NKAIN3: variants seen among roughly 807,000 people sequenced by gnomAD.
The protein encoded by NKAIN3 is sodium/potassium-transporting ATPase subunit beta-1-interacting protein 3.
A neutral mutation model predicts 30.2 loss-of-function variants in NKAIN3; 25 were observed. The observed-to-expected ratio is 0.83, with a 90% CI of 0.60 to 1.16. NKAIN3 has a LOEUF of 1.16. Among genes scored for constraint, NKAIN3 ranks in the 50% most tolerant of loss-of-function variants. NKAIN3 has a pLI of 0.00. For synonymous variants in NKAIN3, 91 were observed against 89.6 expected (o/e 1.02, Z -0.09); for missense variants, 225 against 254.1 (o/e 0.89, Z 0.78).
At chr8:62,252,759 A>G (rs944773403) in intron 1 of NKAIN3, among the ~76,000 whole-genome samples, 1 of 152,198 alleles carries the variant, frequency 6.6e-6, no homozygotes, top group Non-Finnish European at 1.5e-5. Context: ...TTTTTTTGTA[A>G]GGATACTTTC....
In NKAIN3 at chr8:62,249,012, G is replaced by GGCA. The variant is rs1036548470; in HGVS notation, c.-56_-54dup. On this transcript the variant is annotated 5_prime_UTR_variant, in exon 1 of 7. Transcript: ENST00000623646. ...GGCGGGGACTACTCCGGAGTCAGGA[G>GGCA]GCAGCAGCGGCGGAGGACGAGGATC... The GGCA allele has an allele frequency of 1.4e-6, 2 of 1,447,238 alleles. 1 individual carries two copies. Among genetic ancestry groups the GGCA allele is most frequent in the African/African-American group, 2.9e-5 (2 of 69,108 alleles). The allele number at this position is 1,447,238 out of a possible 1,614,324, so 89.6% of individuals were successfully genotyped here.
chr8:62,943,862 A>G (rs1375437741), intron 5 of NKAIN3, among the ~76,000 whole-genome samples: 1 of 150,762 alleles, frequency 6.6e-6, no homozygotes, highest in African/African-American at 2.4e-5. Flanking sequence ...GGAACAAAAT[A>G]ACTGGATAAA....
intron 1 of NKAIN3, among the ~76,000 whole-genome samples, chr8:62,382,437 CATAATTTTACAGAAATTTGT>C (rs1450394415): frequency 2.8e-4 from 42 of 152,114 alleles, no homozygotes; most frequent in African/African-American, 9.6e-4. Flanking sequence ...TAGAGGCAGG[CATAATTTTACAGAAATTTGT>C]ATAATTTTAC....
At chr8:62,393,424 T>C (rs1817633513) in intron 1 of NKAIN3, among the ~76,000 whole-genome samples, 2 of 152,040 alleles carry the variant, frequency 1.3e-5, no homozygotes, top group African/African-American at 4.8e-5. Flanking sequence ...TAATTGTGGG[T>C]ATATTTCTGG....
intron 4 of NKAIN3, among the ~76,000 whole-genome samples, chr8:62,853,794 T>C (rs1268393300): frequency 6.6e-6 from 1 of 152,188 alleles, no homozygotes; most frequent in Non-Finnish European, 1.5e-5. Context: ...TGATGTTAAG[T>C]TGTTAACTCG....
chr8:62,958,417 A>G (rs558329339), intron 6 of NKAIN3, among the ~76,000 whole-genome samples: 3 of 147,558 alleles, frequency 2.0e-5, no homozygotes, highest in East Asian at 4.1e-4. Flanking sequence ...AAGTCTCACC[A>G]TAACTGCCAT....
intron 3 of NKAIN3, among the ~76,000 whole-genome samples, chr8:62,594,767 C>T (rs565161454): frequency 5.0e-4 from 76 of 151,790 alleles, no homozygotes; most frequent in African/African-American, 1.7e-3. Context: ...ATTTTGTTTT[C>T]TTTCTTTCTT....
chr8:62,838,798 G>A (rs1354974137), intron 4 of NKAIN3, among the ~76,000 whole-genome samples: 2 of 152,100 alleles, frequency 1.3e-5, no homozygotes, highest in African/African-American at 4.8e-5. Context: ...AATTATCCCA[G>A]TAAAATGTAA....
intron 1 of NKAIN3, among the ~76,000 whole-genome samples, chr8:62,319,080 G>A (rs1165623312): frequency 6.6e-6 from 1 of 152,102 alleles, no homozygotes; most frequent in Non-Finnish European, 1.5e-5. Context: ...ATGTGTCAAG[G>A]AATTTATCCA....
intron 4 of NKAIN3, among the ~76,000 whole-genome samples, chr8:62,761,760 AACAG>A (rs1198459053): frequency 6.6e-6 from 1 of 152,184 alleles, no homozygotes; most frequent in Non-Finnish European, 1.5e-5. Flanking sequence ...TGCCGAAAAG[AACAG>A]ACAGCTGGGA....
intron 1 of NKAIN3, among the ~76,000 whole-genome samples, chr8:62,578,206 GA>G (rs1158741415): frequency 3.9e-5 from 6 of 152,040 alleles, no homozygotes; most frequent in Non-Finnish European, 8.8e-5. Context: ...TAGAATACAA[GA>G]AATACTGTTA....
intron 4 of NKAIN3, among the ~76,000 whole-genome samples, chr8:62,800,532 G>C (rs1278430582): frequency 6.6e-6 from 1 of 151,030 alleles, no homozygotes; most frequent in South Asian, 2.1e-4. Flanking sequence ...ATGTAGATCT[G>C]CAGACATACA....
At chr8:62,627,563 A>G (rs1026530984) in intron 3 of NKAIN3, among the ~76,000 whole-genome samples, 1 of 152,130 alleles carries the variant, frequency 6.6e-6, no homozygotes, top group East Asian at 1.9e-4. Context: ...TGAGTTTCAC[A>G]TACTTTGAAA....
intron 1 of NKAIN3, among the ~76,000 whole-genome samples, chr8:62,399,727 T>G (rs540428243): frequency 2.6e-5 from 4 of 152,298 alleles, no homozygotes; most frequent in Admixed American, 6.5e-5. Context: ...TGGTGCATAG[T>G]CAGCTCTCAG....
At chr8:62,931,139 A>G (rs750039152) in intron 5 of NKAIN3, among the ~76,000 whole-genome samples, 1 of 152,204 alleles carries the variant, frequency 6.6e-6, no homozygotes, top group Non-Finnish European at 1.5e-5. Flanking sequence ...AGTCCTTCAT[A>G]TATTTGTCCC....
intron 1 of NKAIN3, among the ~76,000 whole-genome samples, chr8:62,388,199 G>GA (rs943160096): frequency 6.6e-6 from 1 of 152,170 alleles, no homozygotes; most frequent in Non-Finnish European, 1.5e-5. Flanking sequence ...ATATTAGTGT[G>GA]AAAATCCACC....
At chr8:62,900,294 T>C (rs938867924) in intron 4 of NKAIN3, among the ~76,000 whole-genome samples, 4 of 152,202 alleles carry the variant, frequency 2.6e-5, no homozygotes, top group South Asian at 2.1e-4. Flanking sequence ...AAAAAGTACA[T>C]AGCATATAGT....
rs1823862152 is a variant in NKAIN3 at position 62,972,827 on chromosome 8, TC to T, written c.*7425del. Among the ~76,000 whole-genome samples, 1 of 151,948 alleles carries T rather than the reference TC, an allele frequency of 6.6e-6. No individual in the cohort carries two copies. The highest frequency in any genetic ancestry group is 1.5e-5 in the Non-Finnish European group (1 of 67,976). ...TCTCCTAATGTTATCCCTCCCCTTG[TC>T]CCCCACTCCCCAACAGGCCCTGGTG... On this transcript the variant is annotated 3_prime_UTR_variant, in exon 7 of 7. Transcript: ENST00000623646.
rs536556824 is a variant in NKAIN3, at chr8:62,918,777, C to G, written c.532+264C>G. On this transcript the variant is annotated intron_variant, in intron 5 of 6. Transcript: ENST00000623646. The stretch of plus-strand genomic sequence containing the variant: ...CTGCTGTCATATCATATATTAGCAA[C>G]TTTTCATCAGACACCTAACCATTAT... Among the ~76,000 whole-genome samples, 9 of 152,202 alleles carry G rather than the reference C, an allele frequency of 5.9e-5. No individual in the cohort carries two copies. In the South Asian group the frequency reaches 1.9e-3, roughly 32 times the overall value.
Sources: gnomAD v4.1 joint callset for allele counts (sites outside exome capture counted in the v4.1 genomes callset) on GRCh38, gnomAD v4.1.1 for gene constraint, MANE v1.5 for transcripts, NCBI Gene and HGNC (gene_info 2026-07-23, HGNC 2026-07-21) for gene names.